PAX1: variants seen among roughly 807,000 people sequenced by gnomAD.
The protein encoded by PAX1 is paired box protein Pax-1.
PAX1 carries 18 observed loss-of-function variants against 35.6 expected under a neutral mutation model. The observed-to-expected ratio is 0.50, with a 90% CI of 0.35 to 0.75. PAX1 has a LOEUF of 0.75. Ranked by LOEUF, PAX1 falls within the 30% of genes least tolerant of loss-of-function variation. The pLI is 0.01. For synonymous variants in PAX1, 397 were observed against 305.2 expected (o/e 1.30, Z -3.14); for missense variants, 760 against 661.5 (o/e 1.15, Z -1.63).
intron 4 of PAX1, among the ~76,000 whole-genome samples, chr20:21,709,915 C>T (rs958809260): frequency 6.6e-6 from 1 of 152,080 alleles, no homozygotes; most frequent in South Asian, 2.1e-4. Context: ...ATCCCCAGAC[C>T]CTTCCCGTCT....
chr20:21,714,691 GC>G lies in PAX1; in HGVS notation c.*132del, dbSNP rs1452406559. On this transcript the variant is annotated 3_prime_UTR_variant, in exon 5 of 5. Transcript: ENST00000613128. ...CTCGCGGAGGAGGAAGCCAGTGCCGGCCCGCGGGGTGCACGCCCAGCCAGCC... is the reference window on the plus strand; with the variant it reads ...CTCGCGGAGGAGGAAGCCAGTGCCGGCCGCGGGGTGCACGCCCAGCCAGCC... 6.2e-7 allele frequency: 1 copy of G among 1,605,784 alleles called. No individual in the cohort carries two copies. Among genetic ancestry groups the G allele is most frequent in the East Asian group, 2.2e-5 (1 of 44,820 alleles).
Position 21,706,139 on chromosome 20 carries a change from C to G in PAX1, c.286+141C>G. ...AGCTGCATTCTCCTCTGATCCCCAG[C>G]CTTCAGGGGGCAGTTGAGCAAGTCT... On this transcript the variant is annotated intron_variant, in intron 1 of 4. Transcript: ENST00000613128. The surrounding 1 kb of genome is among the most constrained non-coding windows in gnomAD (Gnocchi z 5.3). 1 of 820,382 alleles carries G rather than the reference C, an allele frequency of 1.2e-6. No homozygotes were observed. The highest frequency in any genetic ancestry group is 2.0e-5 in the Admixed American group (1 of 49,136). 50.8% of individuals were successfully genotyped at this position (820,382 alleles called of 1,614,324 possible). A position where few individuals can be genotyped will look rare whatever the true frequency, so the allele number is the denominator to read the frequency against.
In PAX1 at chr20:21,706,955, C is replaced by T. The variant is rs145538561; in HGVS notation, c.804C>T (p.Gly268=). 5.4e-5 allele frequency: 87 copies of T among 1,612,446 alleles called. 1 individual carries two copies. In the African/African-American group the frequency reaches 1.1e-3, roughly 20 times the overall value. ...TGTCGCCCACGGGCGCCAAGATGGG[C>T]AGCCACCCCGGGGTCCCGGGCACGG... is the stretch of plus-strand genomic sequence containing the variant. ...SPVSPTGAKM[G]SHPGVPGTAG... is the part of the protein sequence containing the mutation. Residue 268 remains glycine (G), a synonymous_variant, in exon 2 of 5, where the codon GGC becomes GGT. Coordinates refer to ENST00000613128, the MANE Select transcript of PAX1 (RefSeq NM_001257096.2). This position sits in a 1 kb window ranked among gnomAD's most constrained non-coding sequence, Gnocchi z 5.3.
intron 4 of PAX1, among the ~76,000 whole-genome samples, chr20:21,713,378 T>TGTGTGTGTGTGTG (rs770998874): frequency 0.016 from 2,185 of 138,002 alleles, 49 homozygotes; most frequent in African/African-American, 0.058. Flanking sequence ...GTTTTCTTTT[T>TGTGTGTGTGTGTG]TTTTTGTGTG....
rs1249508845 is a variant in PAX1, at chr20:21,706,451, C to A, written c.300C>A (p.Gly100=). 1 of 1,611,048 alleles carries A rather than the reference C, an allele frequency of 6.2e-7. No individual in the cohort carries two copies. The highest frequency in any genetic ancestry group is 1.1e-5 in the South Asian group (1 of 91,064). Residue 100 remains glycine (G), a synonymous_variant, in exon 2 of 5, where the codon GGC becomes GGA. Transcript: ENST00000613128. The surrounding 1 kb of genome is among the most constrained non-coding windows in gnomAD (Gnocchi z 5.3). The part of the protein sequence containing the change: ...AGPLAMEQTY[G]EVNQLGGVFV... ...GCGCATCCGCAGAGCAGACGTATGGCGAGGTGAACCAGCTGGGCGGTGTGT... is the reference window on the plus strand; with the variant it reads ...GCGCATCCGCAGAGCAGACGTATGGAGAGGTGAACCAGCTGGGCGGTGTGT...
At chr20:21,709,165 C>T (rs1985111070) in intron 3 of PAX1, 57 bp from the exon 4 acceptor site, 1 of 1,292,940 alleles carries the variant, frequency 7.7e-7, no homozygotes, top group Non-Finnish European at 1.1e-6. Flanking sequence ...TCAGTGATGG[C>T]GTGGGCTAGA....
Position 21,706,979 on chromosome 20 carries a change from G to A in PAX1, c.828G>A (p.Thr276=), listed in dbSNP as rs747913732. 5 of 1,612,668 alleles carry A rather than the reference G, an allele frequency of 3.1e-6. No individual in the cohort carries two copies. Among genetic ancestry groups the A allele is most frequent in the South Asian group, 1.1e-5 (1 of 91,072 alleles). ...GCAGCCACCCCGGGGTCCCGGGCAC[G>A]GCGGGCCACGTCAGCATCCCGCGCT... ...KMGSHPGVPG[T]AGHVSIPRSW... is the part of the protein sequence containing the mutation. Residue 276 remains threonine (T), a synonymous_variant, in exon 2 of 5, where the codon ACG becomes ACA. Transcript: ENST00000613128. The surrounding 1 kb of genome is among the most constrained non-coding windows in gnomAD (Gnocchi z 5.3).
At chr20:21,709,556 G>A in intron 4 of PAX1, 112 bp downstream of exon 4, 1 of 775,754 alleles carries the variant, frequency 1.3e-6, no homozygotes, top group Non-Finnish European at 2.0e-6. Context: ...GGTGGGTCCT[G>A]GGCATGAACC....
At position 21,718,073 on chromosome 20, in the gene PAX1, A is replaced by T. The variant is rs1188172212; in HGVS notation, c.*3511A>T. On this transcript the variant is annotated 3_prime_UTR_variant, in exon 5 of 5. Coordinates refer to ENST00000613128, the MANE Select transcript of PAX1 (RefSeq NM_001257096.2). ...GTACCCACTTTATTCTCGTGAATGG[A>T]TGTCTATTACCGAGGATTTATTAAA... 1 of 152,228 alleles carries T rather than the reference A, an allele frequency of 6.6e-6. No homozygotes were observed. Among genetic ancestry groups the T allele is most frequent in the African/African-American group, 2.4e-5 (1 of 41,452 alleles). 9.4% of individuals were successfully genotyped at this position (152,228 alleles called of 1,614,324 possible).
chr20:21,708,230 A>T, intron 2 of PAX1: 1 of 497,340 alleles, frequency 2.0e-6, no homozygotes, highest in Non-Finnish European at 3.7e-6. Flanking sequence ...TGTAGCTTTG[A>T]ACTCGGAAGT....
Position 21,706,183 on chromosome 20 carries a change from G to T in PAX1, c.286+185G>T. On this transcript the variant is annotated intron_variant, in intron 1 of 4. Transcript: ENST00000613128. The surrounding 1 kb of genome is among the most constrained non-coding windows in gnomAD (Gnocchi z 5.3). Reference sequence around the variant, plus strand: ...CAAGTCTGGGAAGGGAGTGTTCCAAGTAGACGCGCTAAAAGTCGCGAAAGG... The same window carrying T: ...CAAGTCTGGGAAGGGAGTGTTCCAATTAGACGCGCTAAAAGTCGCGAAAGG... 1 of 771,668 alleles carries T rather than the reference G, an allele frequency of 1.3e-6. No individual in the cohort carries two copies. The highest frequency in any genetic ancestry group is 2.2e-6 in the Non-Finnish European group (1 of 449,456). 47.8% of individuals were successfully genotyped at this position (771,668 alleles called of 1,614,324 possible).
At chr20:21,708,788 A>G in intron 3 of PAX1, 88 bp downstream of exon 3, 7 of 1,413,040 alleles carry the variant, frequency 5.0e-6, no homozygotes, top group Non-Finnish European at 6.9e-6. Context: ...AAGAAAAGAA[A>G]AAATTTCCAG....
rs1171963066 is a variant in PAX1 at position 21,715,416 on chromosome 20, C to T, written c.*854C>T. 1 of 152,806 alleles carries T rather than the reference C, an allele frequency of 6.5e-6. No individual in the cohort carries two copies. The highest frequency in any genetic ancestry group is 1.5e-5 in the Non-Finnish European group (1 of 68,542). The allele number at this position is 152,806 out of a possible 1,614,324, so 9.5% of individuals were successfully genotyped here. ...AAACCCTCCATGAACTGTCCTCTCC[C>T]GTCGATCCCCGCAGCATATTGTCTG... is the stretch of plus-strand genomic sequence containing the variant. On this transcript the variant is annotated 3_prime_UTR_variant, in exon 5 of 5. Coordinates refer to ENST00000613128, the MANE Select transcript of PAX1 (RefSeq NM_001257096.2).
Position 21,716,215 on chromosome 20 carries a change from G to A in PAX1, c.*1653G>A, listed in dbSNP as rs1052372966. ...TAAAAGCTAAAGAAGACAATCCCAG[G>A]CTACCAAGTAATCTAGGGGGTTTGC... On this transcript the variant is annotated 3_prime_UTR_variant, in exon 5 of 5. Transcript: ENST00000613128. The A allele has an allele frequency of 6.6e-6, 1 of 152,182 alleles. No individual in the cohort carries two copies. Among genetic ancestry groups the A allele is most frequent in the African/African-American group, 2.4e-5 (1 of 41,434 alleles). 9.4% of individuals were successfully genotyped at this position (152,182 alleles called of 1,614,324 possible). A position where few individuals can be genotyped will look rare whatever the true frequency, so the allele number is the denominator to read the frequency against.
At position 21,706,256 on chromosome 20, in the gene PAX1, G is replaced by T. The variant is rs1397118461; in HGVS notation, c.287-182G>T. The stretch of plus-strand genomic sequence containing the variant: ...GCGCTCCACTCCGCGGCTCCTCTGC[G>T]CCCTTGCCCACTCCAAGCCAGACCC... On this transcript the variant is annotated intron_variant, in intron 1 of 4. Transcript: ENST00000613128. This position sits in a 1 kb window ranked among gnomAD's most constrained non-coding sequence, Gnocchi z 5.3. 2.3e-6 allele frequency: 2 copies of T among 871,610 alleles called. No homozygotes were observed. The highest frequency in any genetic ancestry group is 2.8e-5 in the South Asian group (2 of 71,726). 54.0% of individuals were successfully genotyped at this position (871,610 alleles called of 1,614,324 possible). A position where few individuals can be genotyped will look rare whatever the true frequency, so the allele number is the denominator to read the frequency against.
chr20:21,708,720 GGCC>G lies in PAX1; in HGVS notation c.1059+22_1059+24del. On this transcript the variant is annotated intron_variant, in intron 3 of 4. Transcript: ENST00000613128. ...ACTCAGGTAACCAGGAGGCACGTGAGGCCGTGACCTTAAGTAGGGAAGCAGAAG... is the reference window on the plus strand; with the variant it reads ...ACTCAGGTAACCAGGAGGCACGTGAGGTGACCTTAAGTAGGGAAGCAGAAG... 6.2e-7 allele frequency: 1 copy of G among 1,612,748 alleles called. No individual in the cohort carries two copies. The highest frequency in any genetic ancestry group is 8.5e-7 in the Non-Finnish European group (1 of 1,179,420).
rs1001773543 is a variant in PAX1, at chr20:21,715,023, C to T, written c.*461C>T. ...CCCGACCTTCCAGGGCTCCCTCTGCCCTTCCACTCTCTTTTCCTTGCTCCG... is the reference window on the plus strand; with the variant it reads ...CCCGACCTTCCAGGGCTCCCTCTGCTCTTCCACTCTCTTTTCCTTGCTCCG... On this transcript the variant is annotated 3_prime_UTR_variant, in exon 5 of 5. Coordinates refer to ENST00000613128, the MANE Select transcript of PAX1 (RefSeq NM_001257096.2). 8.0e-5 allele frequency: 50 copies of T among 623,828 alleles called. No individual in the cohort carries two copies. The highest frequency in any genetic ancestry group is 1.3e-4 in the African/African-American group (7 of 54,452). 38.6% of individuals were successfully genotyped at this position (623,828 alleles called of 1,614,324 possible). A position where few individuals can be genotyped will look rare whatever the true frequency, so the allele number is the denominator to read the frequency against.
rs772611005 is a variant in PAX1 at position 21,706,563 on chromosome 20, C to A, written c.412C>A (p.Arg138=). ...GGGCATCCGACCCTGTGACATCAGT[C>A]GGCAGCTCCGCGTATCCCACGGCTG... ...QLGIRPCDIS[R]QLRVSHGCVS... Residue 138 remains arginine (R), a synonymous_variant, in exon 2 of 5, where the codon CGG becomes AGG. Coordinates refer to ENST00000613128, the MANE Select transcript of PAX1 (RefSeq NM_001257096.2). This position sits in a 1 kb window ranked among gnomAD's most constrained non-coding sequence, Gnocchi z 5.3. 5.6e-6 allele frequency: 9 copies of A among 1,612,146 alleles called. No individual in the cohort carries two copies. Among genetic ancestry groups the A allele is most frequent in the African/African-American group, 5.3e-5 (4 of 74,936 alleles).
chr20:21,711,392 G>A (rs531042326), intron 4 of PAX1, among the ~76,000 whole-genome samples: 1 of 152,328 alleles, frequency 6.6e-6, no homozygotes, highest in Admixed American at 6.5e-5. Flanking sequence ...TGGAAGTTGC[G>A]GGGAAGCTGA....
Sources: allele counts gnomAD v4.1 joint callset (sites outside exome capture counted in the v4.1 genomes callset), GRCh38; gene constraint gnomAD v4.1.1; non-coding constraint Gnocchi (gnomAD v3.1); transcripts MANE v1.5; gene names NCBI Gene and HGNC (gene_info 2026-07-23, HGNC 2026-07-21).